PLEKHA7: variants seen among roughly 807,000 people sequenced by gnomAD.
PLEKHA7 encodes pleckstrin homology domain containing A7.
A neutral mutation model predicts 170.0 loss-of-function variants in PLEKHA7; 104 were observed. The observed-to-expected ratio is 0.61, with a 90% CI of 0.52 to 0.72. The LOEUF (loss-of-function observed/expected upper bound fraction) is 0.72, where lower values mean the gene tolerates loss of function less well. Ranked by LOEUF, PLEKHA7 falls within the 30% of genes least tolerant of loss-of-function variation. The pLI is 0.00. For missense variants in PLEKHA7, 1,615 were observed against 1,671.7 expected, an observed-to-expected ratio of 0.97 and a Z score of 0.59; for synonymous variants, 648 against 660.8, an observed-to-expected ratio of 0.98 and a Z score of 0.30.
chr11:16,965,067 G>C (rs1388678996), intron 3 of PLEKHA7, among the ~76,000 whole-genome samples: 5 of 151,840 alleles, frequency 3.3e-5, no homozygotes, highest in Non-Finnish European at 7.4e-5. Context: ...CCAGCACTTT[G>C]GGTGGCCGAG....
In PLEKHA7 at chr11:16,791,330, G is replaced by T; in HGVS notation, c.2746-131C>A. The T allele has an allele frequency of 2.4e-6, 2 of 843,224 alleles. No homozygotes were observed. Among genetic ancestry groups the T allele is most frequent in the South Asian group, 1.8e-5 (1 of 55,566 alleles). 52.2% of individuals were successfully genotyped at this position (843,224 alleles called of 1,614,324 possible). A position where few individuals can be genotyped will look rare whatever the true frequency, so the allele number is the denominator to read the frequency against. On this transcript the variant is annotated intron_variant, in intron 19 of 26. Transcript: ENST00000531066. This position sits in a 1 kb window ranked among gnomAD's most constrained non-coding sequence, Gnocchi z 4.5. ...AGAGCCACAGAACATGACTGCCTCA[G>T]CCAAGGAGCACTCACACTTCCCCTG...
At position 16,790,843 on chromosome 11, in the gene PLEKHA7, C is replaced by G. The variant is rs1212788009; in HGVS notation, c.3007G>C (p.Gly1003Arg). ...TACCTGCTCTCAGGGCCCACAAGTCCTAGGGAGGGCTGGGCCATGTCCCCG... is the reference window on the plus strand; with the variant it reads ...TACCTGCTCTCAGGGCCCACAAGTCGTAGGGAGGGCTGGGCCATGTCCCCG... ...LSGDMAQPSL[G>R]LVGPESRYQT... Residue 1003 changes from glycine (G) to arginine (R), a missense_variant, in exon 21 of 27, where the codon GGA (glycine) becomes CGA (arginine). Transcript: ENST00000531066. 6.2e-7 allele frequency: 1 copy of G among 1,609,816 alleles called. No individual in the cohort carries two copies.
intron 4 of PLEKHA7, among the ~76,000 whole-genome samples, chr11:16,870,121 C>T (rs2135654492): frequency 6.6e-6 from 1 of 152,216 alleles, no homozygotes; most frequent in South Asian, 2.1e-4. Flanking sequence ...CACCTGAGAG[C>T]CCTGCTGAAA....
At chr11:16,781,627 A>G (rs217758) in intron 26 of PLEKHA7, among the ~76,000 whole-genome samples, 108,498 of 152,070 alleles carry the variant, frequency 0.71, 39,118 homozygotes, top group East Asian at 0.77. Context: ...GAGGACAGCC[A>G]AGATTTCAAG....
intron 3 of PLEKHA7, among the ~76,000 whole-genome samples, chr11:16,988,790 C>T (rs1168923145): frequency 6.6e-6 from 1 of 152,192 alleles, no homozygotes; most frequent in Non-Finnish European, 1.5e-5. Flanking sequence ...CTCACTACAT[C>T]CCAAATATTT....
chr11:16,820,788 C>G (rs1024232765), intron 10 of PLEKHA7, among the ~76,000 whole-genome samples: 7 of 152,222 alleles, frequency 4.6e-5, no homozygotes, highest in African/African-American at 1.7e-4. Context: ...CACCTCAAAT[C>G]CCTAAGCTCA....
At chr11:16,897,938 T>G (rs1857101588) in intron 3 of PLEKHA7, among the ~76,000 whole-genome samples, 1 of 152,136 alleles carries the variant, frequency 6.6e-6, no homozygotes, top group South Asian at 2.1e-4. Flanking sequence ...ACTTCCACAG[T>G]GTCATTCAGA....
chr11:16,933,873 GCACAAGATTGTAA>G (rs1860109755), intron 3 of PLEKHA7, among the ~76,000 whole-genome samples: 1 of 152,174 alleles, frequency 6.6e-6, no homozygotes, highest in Admixed American at 6.5e-5. Flanking sequence ...CCAAATCGCA[GCACAAGATTGTAA>G]CTTGTTCAAG....
intron 3 of PLEKHA7, among the ~76,000 whole-genome samples, chr11:17,007,499 A>G (rs1027511385): frequency 6.8e-6 from 1 of 148,014 alleles, no homozygotes; most frequent in African/African-American, 2.5e-5. Flanking sequence ...TAGCAATTTT[A>G]TTTTTTTTTA....
chr11:16,899,884 C>G (rs1857221341), intron 3 of PLEKHA7, among the ~76,000 whole-genome samples: 1 of 152,190 alleles, frequency 6.6e-6, no homozygotes, highest in South Asian at 2.1e-4. Flanking sequence ...TTATACCATA[C>G]TTGTGAGCTG....
intron 3 of PLEKHA7, among the ~76,000 whole-genome samples, chr11:17,003,209 T>C (rs968014038): frequency 6.6e-6 from 1 of 152,148 alleles, no homozygotes; most frequent in African/African-American, 2.4e-5. Flanking sequence ...CAGGCTGGTC[T>C]CGAACTCCTG....
chr11:16,807,543 C>T lies in PLEKHA7; in HGVS notation c.2008-4248G>A, dbSNP rs977883666. ...AGTGTTCATTTCCTTCCTGGTTCTG[C>T]GGCAGAAGGCAAGGAGGAACATGAT... is the stretch of plus-strand genomic sequence containing the variant. On this transcript the variant is annotated intron_variant, in intron 13 of 26. Coordinates refer to ENST00000531066, the MANE Select transcript of PLEKHA7 (RefSeq NM_001329630.2). Among the ~76,000 whole-genome samples, 8 of 152,186 alleles carry T rather than the reference C, an allele frequency of 5.3e-5. 1 individual carries two copies. Among genetic ancestry groups the T allele is most frequent in the Middle Eastern group, 6.8e-3 (2 of 294 alleles).
At chr11:16,941,734 T>C (rs1860706008) in intron 3 of PLEKHA7, among the ~76,000 whole-genome samples, 2 of 152,180 alleles carry the variant, frequency 1.3e-5, no homozygotes. Context: ...GATTATACCA[T>C]GAAGAAGTGG....
chr11:16,818,106 C>T (rs1849912247), intron 10 of PLEKHA7, among the ~76,000 whole-genome samples: 1 of 152,062 alleles, frequency 6.6e-6, no homozygotes, highest in Non-Finnish European at 1.5e-5. Flanking sequence ...CACCCTAGTC[C>T]CGTCCCAGCC....
intron 3 of PLEKHA7, among the ~76,000 whole-genome samples, chr11:16,979,560 C>T (rs573612697): frequency 1.7e-4 from 26 of 152,288 alleles, no homozygotes; most frequent in African/African-American, 6.3e-4. Context: ...TGGCATAAAC[C>T]ATACATCACC....
chr11:16,879,445 G>A (rs888608018), intron 3 of PLEKHA7, among the ~76,000 whole-genome samples: 1 of 152,172 alleles, frequency 6.6e-6, no homozygotes, highest in Non-Finnish European at 1.5e-5. Flanking sequence ...CAAAGATACG[G>A]GGAGGCAGAA....
intron 24 of PLEKHA7, among the ~76,000 whole-genome samples, chr11:16,784,267 T>C (rs778669199): frequency 6.6e-6 from 1 of 152,206 alleles, no homozygotes; most frequent in African/African-American, 2.4e-5. Context: ...CTCTCATCTT[T>C]TCAACCTCAC....
chr11:16,938,956 A>T (rs760117051), intron 3 of PLEKHA7, among the ~76,000 whole-genome samples: 7 of 152,204 alleles, frequency 4.6e-5, no homozygotes, highest in Non-Finnish European at 7.3e-5. Context: ...AAAGAAATAC[A>T]CAAACACAAT....
intron 3 of PLEKHA7, among the ~76,000 whole-genome samples, chr11:16,989,052 C>T (rs1390108605): frequency 6.6e-6 from 1 of 152,202 alleles, no homozygotes; most frequent in Admixed American, 6.5e-5. Context: ...AGGGGTGACC[C>T]ATGAATGCGC....
Sources: allele counts gnomAD v4.1 joint callset (sites outside exome capture counted in the v4.1 genomes callset), GRCh38; gene constraint gnomAD v4.1.1; non-coding constraint Gnocchi (gnomAD v3.1); transcripts MANE v1.5; gene names NCBI Gene and HGNC (gene_info 2026-07-23, HGNC 2026-07-21).